CCDC7: variants seen among roughly 807,000 people sequenced by gnomAD.
The protein encoded by CCDC7 is coiled-coil domain-containing protein 7.
CCDC7 carries 183 observed loss-of-function variants against 196.9 expected under a neutral mutation model. The observed-to-expected ratio is 0.93, with a 90% CI of 0.82 to 1.05. The LOEUF is 1.05. Ranked by LOEUF, CCDC7 falls within the 50% of genes least tolerant of loss-of-function variation. The probability of loss-of-function intolerance (pLI) is 0.00; values close to 1 mark genes in which losing one functional copy is unlikely to be tolerated. For synonymous variants in CCDC7, 525 were observed against 484.6 expected, an observed-to-expected ratio of 1.08 and a Z score of -1.10; for missense variants, 1,540 against 1,482.2, an observed-to-expected ratio of 1.04 and a Z score of -0.64.
At chr10:32,720,353 A>G (rs1212878442) in intron 25 of CCDC7, among the ~76,000 whole-genome samples, 1 of 152,024 alleles carries the variant, frequency 6.6e-6, no homozygotes, top group Non-Finnish European at 1.5e-5. Context: ...GTTCTCTCTC[A>G]TAAGTGGGAG....
At position 32,828,506 on chromosome 10, in the gene CCDC7, A is replaced by AGAGGAAGAGGAAGAGGAAGAG. The variant is rs2091678441; in HGVS notation, c.3268+3904_3268+3905insGGAAGAGGAAGAGGAAGAGGA. Among the ~76,000 whole-genome samples, 3 of 132,422 alleles carry AGAGGAAGAGGAAGAGGAAGAG rather than the reference A, an allele frequency of 2.3e-5. 1 individual carries two copies. In the East Asian group the frequency reaches 6.8e-4, roughly 30 times the overall value. The allele number at this position is 132,422 out of a possible 152,430, so 86.9% of individuals were successfully genotyped here. On this transcript the variant is annotated intron_variant, in intron 32 of 41. Coordinates refer to ENST00000639629, the Ensembl canonical transcript of CCDC7. Reference sequence around the variant, plus strand: ...AAGAGGAAGAAGAAGAAGAAGAAGAAGAAGAAGAAGAAGAAGAAGAAGAAG... The same window carrying AGAGGAAGAGGAAGAGGAAGAG: ...AAGAGGAAGAAGAAGAAGAAGAAGAAGAGGAAGAGGAAGAGGAAGAGGAAGAAGAAGAAGAAGAAGAAGAAG...
intron 9 of CCDC7, among the ~76,000 whole-genome samples, chr10:32,500,573 G>T (rs1264860474): frequency 6.6e-6 from 1 of 151,732 alleles, no homozygotes; most frequent in African/African-American, 2.4e-5. Flanking sequence ...CTGGGCGGCC[G>T]GGCAGAGGGG....
chr10:32,672,752 A>T (rs936623176), intron 21 of CCDC7, among the ~76,000 whole-genome samples: 1 of 152,048 alleles, frequency 6.6e-6, no homozygotes, highest in Non-Finnish European at 1.5e-5. Flanking sequence ...GGTGTCTAAG[A>T]TATGCTGACC....
At chr10:32,605,370 A>T (rs2061467437) in intron 18 of CCDC7, among the ~76,000 whole-genome samples, 1 of 152,210 alleles carries the variant, frequency 6.6e-6, no homozygotes, top group South Asian at 2.1e-4. Flanking sequence ...GCGTTGCTAC[A>T]AAGATACCTC....
At chr10:32,846,523 G>A in intron 37 of CCDC7, 64 bp downstream of exon 38, 2 of 1,011,278 alleles carry the variant, frequency 2.0e-6, no homozygotes, top group South Asian at 1.5e-5. Flanking sequence ...GTTAAATTAA[G>A]TATAGACATT....
chr10:32,779,907 A>C (rs933536295), intron 29 of CCDC7, among the ~76,000 whole-genome samples: 1 of 151,788 alleles, frequency 6.6e-6, no homozygotes, highest in Non-Finnish European at 1.5e-5. Context: ...AATATGAAAA[A>C]CTCCTGGCAA....
chr10:32,740,785 T>C (rs1386752811), intron 28 of CCDC7, among the ~76,000 whole-genome samples: 1 of 151,910 alleles, frequency 6.6e-6, no homozygotes, highest in Non-Finnish European at 1.5e-5. Context: ...ATCTTTGTGT[T>C]TTCTATTTTT....
downstream of CCDC7, among the ~76,000 whole-genome samples, chr10:32,880,856 T>A (rs570640511): frequency 6.6e-6 from 1 of 152,256 alleles, no homozygotes; most frequent in Admixed American, 6.5e-5. Flanking sequence ...AGATGTGTGG[T>A]CTTAGTTCTG....
At chr10:32,631,514 C>T (rs1206015840) in intron 18 of CCDC7, among the ~76,000 whole-genome samples, 1 of 151,942 alleles carries the variant, frequency 6.6e-6, no homozygotes, top group Non-Finnish European at 1.5e-5. Flanking sequence ...ATGTATATGC[C>T]TTTGCTTATG....
intron 20 of CCDC7, among the ~76,000 whole-genome samples, chr10:32,657,974 A>G (rs993185339): frequency 2.0e-5 from 3 of 152,222 alleles, no homozygotes; most frequent in African/African-American, 7.2e-5. Flanking sequence ...AAAGTATTGC[A>G]AGAGTCACCT....
chr10:32,789,989 C>T (rs1008038835), intron 29 of CCDC7, among the ~76,000 whole-genome samples: 3 of 152,222 alleles, frequency 2.0e-5, no homozygotes, highest in African/African-American at 7.2e-5. Flanking sequence ...TCATGTTCCA[C>T]CCTCTGAGCA....
intron 41 of CCDC7, among the ~76,000 whole-genome samples, chr10:32,869,562 C>A (rs1042597605): frequency 1.3e-5 from 2 of 151,936 alleles, no homozygotes; most frequent in African/African-American, 4.8e-5. Flanking sequence ...GAAGCTCTTT[C>A]GTTTAATCGG....
At chr10:32,587,193 C>G (rs1384210105) in intron 18 of CCDC7, among the ~76,000 whole-genome samples, 2 of 152,158 alleles carry the variant, frequency 1.3e-5, no homozygotes, top group Non-Finnish European at 2.9e-5. Flanking sequence ...AAAGGAAACT[C>G]ATTAAGCAAT....
chr10:32,672,364 G>A (rs1025278174), intron 21 of CCDC7, among the ~76,000 whole-genome samples: 6 of 152,144 alleles, frequency 3.9e-5, no homozygotes, highest in African/African-American at 7.2e-5. Context: ...TCTGGGATTT[G>A]GAATGCAAAC....
At chr10:32,511,782 C>CCGACCCA in intron 9 of CCDC7, 1 of 1,414,286 alleles carries the variant, frequency 7.1e-7, no homozygotes, top group East Asian at 2.3e-5. Context: ...TCCCGGAAAG[C>CCGACCCA]GGTCGGGCAA....
At chr10:32,635,582 C>A (rs1209495956) in intron 20 of CCDC7, among the ~76,000 whole-genome samples, 1 of 151,998 alleles carries the variant, frequency 6.6e-6, no homozygotes, top group Non-Finnish European at 1.5e-5. Context: ...GCCAGGAATT[C>A]AAGACCAGCC....
intron 9 of CCDC7, 118 bp from the exon 11 acceptor site, chr10:32,517,827 T>C (rs1288375522): frequency 5.5e-6 from 6 of 1,097,102 alleles, no homozygotes; most frequent in Admixed American, 2.6e-5. Context: ...GAGGGCAGAA[T>C]AAAACAGCAG....
intron 29 of CCDC7, among the ~76,000 whole-genome samples, chr10:32,793,149 G>C (rs921867062): frequency 3.3e-5 from 5 of 152,178 alleles, no homozygotes; most frequent in Admixed American, 3.3e-4. Context: ...ATTCAGGGAA[G>C]ACTTTAGAAT....
rs576394994 is a variant in CCDC7, at chr10:32,671,353, G to A, written c.2122+7192G>A. Among the ~76,000 whole-genome samples the A allele has an allele frequency of 5.3e-5, 8 of 152,192 alleles. No individual in the cohort carries two copies. The East Asian group carries it at 1.5e-3, about 29-fold the overall frequency. ...TTATTCAAATTGAATACAGTATTTAGTATAGTAACATACTGTACAGCTTTA... is the reference window on the plus strand; with the variant it reads ...TTATTCAAATTGAATACAGTATTTAATATAGTAACATACTGTACAGCTTTA... On this transcript the variant is annotated intron_variant, in intron 21 of 41. Transcript: ENST00000639629.
Sources: allele counts gnomAD v4.1 joint callset (sites outside exome capture counted in the v4.1 genomes callset), GRCh38; gene constraint gnomAD v4.1.1; transcripts MANE v1.5; gene names NCBI Gene and HGNC (gene_info 2026-07-23, HGNC 2026-07-21).